The following MBD5 variants were observed in gnomAD, a reference collection of about 807,000 sequenced individuals.
MBD5 encodes the protein methyl-CpG-binding domain protein 5.
MBD5 carries 13 observed loss-of-function variants against 117.3 expected under a neutral mutation model. The observed-to-expected ratio is 0.11, with a 90% CI of 0.07 to 0.18. MBD5 has a LOEUF of 0.18. MBD5 is among the 10% of genes least tolerant of loss of function. The pLI, the probability that MBD5 is intolerant of heterozygous loss-of-function variation, is 1.00. For synonymous variants in MBD5, 727 were observed against 766.4 expected (o/e 0.95, Z 0.85); for missense variants, 1,879 against 2,093.8 (o/e 0.90, Z 2.00).
chr2:148,028,903 T>C (rs2105571690), intron 1 of MBD5, among the ~76,000 whole-genome samples: 1 of 152,248 alleles, frequency 6.6e-6, no homozygotes, highest in South Asian at 2.1e-4. Context: ...CTGGAGTTTC[T>C]GCTGAAGGAT....
intron 3 of MBD5, among the ~76,000 whole-genome samples, chr2:148,301,059 T>C (rs1161770379): frequency 2.0e-5 from 3 of 152,218 alleles, no homozygotes; most frequent in Non-Finnish European, 2.9e-5. Flanking sequence ...TATAAGTTGG[T>C]TTCTATTGCT....
intron 3 of MBD5, among the ~76,000 whole-genome samples, chr2:148,297,295 TTCA>T (rs1701678040): frequency 6.6e-6 from 1 of 152,228 alleles, no homozygotes; most frequent in Non-Finnish European, 1.5e-5. Flanking sequence ...GGCCTGTTTA[TTCA>T]TTTAATGACT....
At chr2:148,022,065 T>A (rs1164064197) in intron 1 of MBD5, among the ~76,000 whole-genome samples, 1 of 152,128 alleles carries the variant, frequency 6.6e-6, no homozygotes, top group African/African-American at 2.4e-5. Flanking sequence ...GGAGAGCTCT[T>A]TTTCTCCAGG....
At chr2:148,331,682 C>T (rs1702660435) in intron 3 of MBD5, among the ~76,000 whole-genome samples, 1 of 151,718 alleles carries the variant, frequency 6.6e-6, no homozygotes, top group Non-Finnish European at 1.5e-5. Flanking sequence ...TTTGGATTAA[C>T]CTTCAGATTT....
At chr2:148,408,681 C>G (rs1431225153) in intron 4 of MBD5, among the ~76,000 whole-genome samples, 4 of 151,802 alleles carry the variant, frequency 2.6e-5, no homozygotes, top group African/African-American at 9.7e-5. Context: ...CTTCATACAC[C>G]CCTATTTATG....
chr2:148,199,318 T>C (rs556186306), intron 2 of MBD5, among the ~76,000 whole-genome samples: 1 of 152,254 alleles, frequency 6.6e-6, no homozygotes, highest in South Asian at 2.1e-4. Context: ...GCCTATCCAA[T>C]TGGGGCAGAA....
At chr2:148,457,190 A>G (rs1369363926) in intron 4 of MBD5, among the ~76,000 whole-genome samples, 2 of 152,136 alleles carry the variant, frequency 1.3e-5, no homozygotes, top group African/African-American at 4.8e-5. Context: ...CTTCACTTCC[A>G]TTTAAATTGT....
chr2:148,169,399 T>C (rs1437031231), intron 1 of MBD5, among the ~76,000 whole-genome samples: 1 of 152,168 alleles, frequency 6.6e-6, no homozygotes, highest in Non-Finnish European at 1.5e-5. Context: ...ACAAGCCCAA[T>C]ACATTGATAA....
At chr2:148,133,225 G>A (rs995852307) in intron 1 of MBD5, among the ~76,000 whole-genome samples, 1 of 152,152 alleles carries the variant, frequency 6.6e-6, no homozygotes, top group African/African-American at 2.4e-5. Flanking sequence ...TTTCTTAAAA[G>A]ACAATACATA....
intron 1 of MBD5, among the ~76,000 whole-genome samples, chr2:148,084,807 C>G (rs1695737660): frequency 6.6e-6 from 1 of 152,058 alleles, no homozygotes; most frequent in African/African-American, 2.4e-5. Context: ...TGGTTTTTAT[C>G]CTGAGGCATT....
At chr2:148,083,271 T>A (rs1180557848) in intron 1 of MBD5, among the ~76,000 whole-genome samples, 1 of 152,222 alleles carries the variant, frequency 6.6e-6, no homozygotes, top group African/African-American at 2.4e-5. Flanking sequence ...GATGGTTAAT[T>A]GGTTTGGCTT....
intron 1 of MBD5, among the ~76,000 whole-genome samples, chr2:148,096,655 A>T (rs747999716): frequency 4.6e-5 from 7 of 152,102 alleles, no homozygotes; most frequent in Non-Finnish European, 1.0e-4. Flanking sequence ...AATAAGAGAG[A>T]GAAAGAATCA....
At chr2:148,218,249 G>C (rs1321408140) in intron 2 of MBD5, among the ~76,000 whole-genome samples, 3 of 152,190 alleles carry the variant, frequency 2.0e-5, no homozygotes, top group East Asian at 3.9e-4. Flanking sequence ...TTCTTGGTAG[G>C]GGGTAAGTCT....
At chr2:148,154,994 G>A (rs142137521) in intron 1 of MBD5, among the ~76,000 whole-genome samples, 1 of 152,112 alleles carries the variant, frequency 6.6e-6, no homozygotes, top group Admixed American at 6.5e-5. Flanking sequence ...AGGTTCTATA[G>A]GCCCTGAAGG....
chr2:148,117,530 A>G (rs1009967689), intron 1 of MBD5, among the ~76,000 whole-genome samples: 6 of 152,192 alleles, frequency 3.9e-5, no homozygotes, highest in Non-Finnish European at 5.9e-5. Context: ...TTGTTTGTAG[A>G]TGCCAGTCCA....
chr2:148,317,571 A>G (rs1398364734), intron 3 of MBD5, among the ~76,000 whole-genome samples: 1 of 152,138 alleles, frequency 6.6e-6, no homozygotes, highest in African/African-American at 2.4e-5. Context: ...ATAAGGAACA[A>G]TGTACCCAAT....
intron 4 of MBD5, among the ~76,000 whole-genome samples, chr2:148,378,899 T>C (rs578035295): frequency 6.6e-6 from 1 of 152,206 alleles, no homozygotes; most frequent in Admixed American, 6.5e-5. Flanking sequence ...TGAATCTTTC[T>C]ATTTGTATAT....
intron 4 of MBD5, among the ~76,000 whole-genome samples, chr2:148,422,271 C>T (rs1365257290): frequency 6.6e-6 from 1 of 152,180 alleles, no homozygotes; most frequent in Non-Finnish European, 1.5e-5. Context: ...GAAGCCTCTG[C>T]TGGTGATACC....
At chr2:148,064,301 G>A (rs1374869069) in intron 1 of MBD5, among the ~76,000 whole-genome samples, 1 of 151,308 alleles carries the variant, frequency 6.6e-6, no homozygotes, top group Non-Finnish European at 1.5e-5. Context: ...ATTTTTAGTA[G>A]AGACGGGGTT....
Sources: allele counts gnomAD v4.1 joint callset (sites outside exome capture counted in the v4.1 genomes callset), GRCh38; gene constraint gnomAD v4.1.1; transcripts MANE v1.5; gene names NCBI Gene and HGNC (gene_info 2026-07-23, HGNC 2026-07-21).